The following KCNK10 variants were observed in gnomAD, a reference collection of about 807,000 sequenced individuals.
The protein encoded by KCNK10 is potassium channel subfamily K member 10.
KCNK10 carries 25 observed loss-of-function variants against 47.7 expected under a neutral mutation model. The observed-to-expected ratio is 0.52, with a 90% CI of 0.38 to 0.73. The LOEUF (loss-of-function observed/expected upper bound fraction) is 0.73. KCNK10 is among the 30% of genes least tolerant of loss of function. The pLI is 0.00. For missense variants in KCNK10, 563 were observed against 714.5 expected (o/e 0.79, Z 2.42); for synonymous variants, 303 against 285.6 (o/e 1.06, Z -0.61).
chr14:88,208,596 A>G (rs1885358310), intron 4 of KCNK10, among the ~76,000 whole-genome samples: 1 of 152,224 alleles, frequency 6.6e-6, no homozygotes, highest in Admixed American at 6.5e-5. Flanking sequence ...CATGTCATGT[A>G]CTGCATTTTA....
At chr14:88,192,745 AAT>A (rs1884790019) in intron 4 of KCNK10, among the ~76,000 whole-genome samples, 1 of 152,192 alleles carries the variant, frequency 6.6e-6, no homozygotes, top group African/African-American at 2.4e-5. Context: ...CACTGGTGCA[AAT>A]ATAATGGTTT....
At chr14:88,281,881 T>C (rs1211945695) in intron 1 of KCNK10, among the ~76,000 whole-genome samples, 1 of 151,658 alleles carries the variant, frequency 6.6e-6, no homozygotes, top group East Asian at 1.9e-4. Flanking sequence ...TCTGTTTCTC[T>C]AGAGTACCCC....
rs1169759109 is a variant in KCNK10, at chr14:88,180,807, A to G, written c.*4728T>C. On this transcript the variant is annotated 3_prime_UTR_variant, in exon 7 of 7. Transcript: ENST00000319231. Reference sequence around the variant, plus strand: ...AGTCCAATGAAGGTATGGTGCAGAGACAGAGGACAGGGCTTTGCTTACAGC... The same window carrying G: ...AGTCCAATGAAGGTATGGTGCAGAGGCAGAGGACAGGGCTTTGCTTACAGC... The G allele has an allele frequency of 2.0e-5, 8 of 398,662 alleles. No individual in the cohort carries two copies. Among genetic ancestry groups the G allele is most frequent in the Non-Finnish European group, 3.5e-5 (8 of 226,080 alleles). The allele number at this position is 398,662 out of a possible 1,614,324, so 24.7% of individuals were successfully genotyped here. A position where few individuals can be genotyped will look rare whatever the true frequency, so the allele number is the denominator to read the frequency against.
intron 3 of KCNK10, among the ~76,000 whole-genome samples, chr14:88,239,080 A>G (rs117199448): frequency 0.013 from 2,050 of 152,346 alleles, 23 homozygotes; most frequent in Middle Eastern, 0.054. Flanking sequence ...TCAAAAATGA[A>G]AAAGGTTGAA....
intron 2 of KCNK10, among the ~76,000 whole-genome samples, chr14:88,250,335 C>G (rs1001748251): frequency 6.6e-6 from 1 of 152,150 alleles, no homozygotes; most frequent in Non-Finnish European, 1.5e-5. Context: ...CACATTGAAG[C>G]ATCTTTTGCG....
chr14:88,304,590 G>A (rs578033520), intron 1 of KCNK10, among the ~76,000 whole-genome samples: 6 of 152,158 alleles, frequency 3.9e-5, no homozygotes, highest in Admixed American at 6.5e-5. Context: ...CTTCTTGTTC[G>A]AGCGCTCATG....
chr14:88,225,366 T>C (rs1443840841), intron 4 of KCNK10, among the ~76,000 whole-genome samples: 1 of 152,212 alleles, frequency 6.6e-6, no homozygotes, highest in Non-Finnish European at 1.5e-5. Flanking sequence ...TGATCTTTGA[T>C]GGTGCTGCAA....
chr14:88,242,915 C>T (rs1566699439), intron 2 of KCNK10, among the ~76,000 whole-genome samples: 1 of 152,144 alleles, frequency 6.6e-6, no homozygotes, highest in Non-Finnish European at 1.5e-5. Flanking sequence ...CCATCAGTAC[C>T]TAATATTTAC....
intron 1 of KCNK10, among the ~76,000 whole-genome samples, chr14:88,302,019 G>A (rs1419415093): frequency 6.6e-6 from 1 of 152,196 alleles, no homozygotes; most frequent in African/African-American, 2.4e-5. Context: ...AATGAGGGTG[G>A]CAGGAGCAGA....
At chr14:88,194,066 A>G (rs973957067) in intron 4 of KCNK10, among the ~76,000 whole-genome samples, 2 of 152,244 alleles carry the variant, frequency 1.3e-5, no homozygotes, top group Non-Finnish European at 2.9e-5. Flanking sequence ...AAATGGGAAC[A>G]GGGAAAAATA....
At chr14:88,282,235 G>C (rs1335421462) in intron 1 of KCNK10, among the ~76,000 whole-genome samples, 1 of 152,168 alleles carries the variant, frequency 6.6e-6, no homozygotes, top group African/African-American at 2.4e-5. Flanking sequence ...CTCAACCAGA[G>C]GTTGTAAATA....
Position 88,293,578 on chromosome 14 carries a change from G to T in KCNK10, c.52+29169C>A, listed in dbSNP as rs571255014. Among the ~76,000 whole-genome samples, 64 of 152,022 alleles carry T rather than the reference G, an allele frequency of 4.2e-4. No individual in the cohort carries two copies. The South Asian group carries it at 0.013, about 30-fold the overall frequency. On this transcript the variant is annotated intron_variant, in intron 1 of 6. Transcript: ENST00000319231. The stretch of plus-strand genomic sequence containing the variant: ...CCATCCACCACTCTCCATCTCAGCA[G>T]TCACTCTGCTTGTCCAAGCCACCAT...
At chr14:88,224,840 C>T (rs1401138263) in intron 4 of KCNK10, among the ~76,000 whole-genome samples, 1 of 152,172 alleles carries the variant, frequency 6.6e-6, no homozygotes, top group African/African-American at 2.4e-5. Flanking sequence ...GAACTTCTGA[C>T]CTCAGGTGAT....
intron 4 of KCNK10, among the ~76,000 whole-genome samples, chr14:88,200,880 G>A (rs1035765995): frequency 6.6e-6 from 1 of 152,200 alleles, no homozygotes; most frequent in African/African-American, 2.4e-5. Context: ...TAAATCAGAC[G>A]TGTTGTGAAG....
chr14:88,259,654 G>T (rs1475624883), intron 2 of KCNK10, among the ~76,000 whole-genome samples: 2 of 152,092 alleles, frequency 1.3e-5, no homozygotes, highest in Non-Finnish European at 2.9e-5. Context: ...AAAGGGTTTT[G>T]CCATGTTGTC....
chr14:88,264,155 T>G (rs1319798463), intron 1 of KCNK10, among the ~76,000 whole-genome samples: 6 of 152,236 alleles, frequency 3.9e-5, no homozygotes, highest in African/African-American at 1.4e-4. Flanking sequence ...TTTCTTCTAT[T>G]GTTTTCCAAT....
chr14:88,282,987 A>T (rs1418001707), intron 1 of KCNK10, among the ~76,000 whole-genome samples: 1 of 152,236 alleles, frequency 6.6e-6, no homozygotes, highest in African/African-American at 2.4e-5. Context: ...ACTATGTCAA[A>T]CTGTGGTCTC....
At chr14:88,210,561 G>A (rs550591971) in intron 4 of KCNK10, among the ~76,000 whole-genome samples, 122 of 152,260 alleles carry the variant, frequency 8.0e-4, no homozygotes, top group African/African-American at 2.9e-3. Context: ...GGCCCTAGTC[G>A]GCCTGGCACT....
At chr14:88,234,175 T>C (rs1368972070) in intron 3 of KCNK10, among the ~76,000 whole-genome samples, 1 of 152,168 alleles carries the variant, frequency 6.6e-6, no homozygotes, top group East Asian at 1.9e-4. Context: ...CCAGCTTCCT[T>C]TGTTGGACGC....
Sources: gnomAD v4.1 joint callset for allele counts (sites outside exome capture counted in the v4.1 genomes callset) on GRCh38, gnomAD v4.1.1 for gene constraint, MANE v1.5 for transcripts, NCBI Gene and HGNC (gene_info 2026-07-23, HGNC 2026-07-21) for gene names.